ACTA2: variants seen among roughly 807,000 people sequenced by gnomAD.
The protein encoded by ACTA2 is actin alpha 2, smooth muscle, also known as actin, aortic smooth muscle.
ACTA2 carries 12 observed loss-of-function variants against 39.5 expected under a neutral mutation model. The ratio of observed to expected loss-of-function variants is 0.30; its 90% CI spans 0.19 to 0.49. The LOEUF (loss-of-function observed/expected upper bound fraction) is 0.49. ACTA2 is among the 20% of genes least tolerant of loss of function. The probability of loss-of-function intolerance (pLI) is 0.99; values close to 1 mark genes in which losing one functional copy is unlikely to be tolerated. For missense variants in ACTA2, 236 were observed against 498.8 expected, an observed-to-expected ratio of 0.47 and a Z score of 5.02; for synonymous variants, 158 against 180.6, an observed-to-expected ratio of 0.88 and a Z score of 1.00.
chr10:88,953,307 C>A (rs1846082343), upstream of ACTA2, among the ~76,000 whole-genome samples: 1 of 152,120 alleles, frequency 6.6e-6, no homozygotes, highest in South Asian at 2.1e-4. Flanking sequence ...GTTTATAAAT[C>A]AAGTTCTTGA....
chr10:88,963,503 CA>C (rs1228775762), intron 1 of ACTA2, among the ~76,000 whole-genome samples: 1 of 149,378 alleles, frequency 6.7e-6, no homozygotes, highest in East Asian at 1.9e-4. Flanking sequence ...TTTATTTAGT[CA>C]AGACATTTTT....
intron 1 of ACTA2, among the ~76,000 whole-genome samples, chr10:88,950,338 C>T (rs894864659): frequency 2.0e-5 from 3 of 152,104 alleles, no homozygotes; most frequent in African/African-American, 7.2e-5. Context: ...CTGATTGCAC[C>T]TCCAAATCCA....
chr10:88,967,427 A>G (rs1274425642), intron 1 of ACTA2, among the ~76,000 whole-genome samples: 2 of 152,164 alleles, frequency 1.3e-5, no homozygotes, highest in Non-Finnish European at 2.9e-5. Flanking sequence ...GAAGGATGTA[A>G]CACCTGCTTC....
At chr10:88,949,446 T>C (rs2133275395) in intron 1 of ACTA2, among the ~76,000 whole-genome samples, 1 of 152,322 alleles carries the variant, frequency 6.6e-6, no homozygotes. Context: ...ACAGGCAGCA[T>C]GTAAAAATTT....
intron 1 of ACTA2, chr10:88,973,359 A>G: frequency 2.7e-6 from 4 of 1,468,376 alleles, no homozygotes; most frequent in Non-Finnish European, 2.7e-6. Flanking sequence ...TAATCCAAGA[A>G]TTGCCAGGCG....
Position 88,939,497 on chromosome 10 carries a change from T to A in ACTA2, c.808+10A>T. 6 of 1,612,620 alleles carry A rather than the reference T, an allele frequency of 3.7e-6. No individual in the cohort carries two copies. Among genetic ancestry groups the A allele is most frequent in the Non-Finnish European group, 5.1e-6 (6 of 1,179,862 alleles). On this transcript the variant is annotated intron_variant, in intron 7 of 8. Transcript: ENST00000224784. ...CTCCCCTTCCCAGGAAAAGGGCGTTTGTTGCCTACCGATGAAGGATGGCTG... is the reference window on the plus strand; with the variant it reads ...CTCCCCTTCCCAGGAAAAGGGCGTTAGTTGCCTACCGATGAAGGATGGCTG...
chr10:88,938,341 C>G lies in ACTA2; in HGVS notation c.809-99G>C, dbSNP rs1261846690. ...AACATCTGGATGATCTTGCAGTGGA[C>G]TGAGGCTGGGAAGACATAATAATCT... is the stretch of plus-strand genomic sequence containing the variant. On this transcript the variant is annotated intron_variant, in intron 7 of 8. Transcript: ENST00000224784. 1.2e-5 allele frequency: 16 copies of G among 1,338,008 alleles called. No individual in the cohort carries two copies. The East Asian group carries it at 3.2e-4, about 27-fold the overall frequency. 82.9% of individuals were successfully genotyped at this position (1,338,008 alleles called of 1,614,324 possible).
At chr10:88,963,822 A>C (rs1043925454) in intron 1 of ACTA2, among the ~76,000 whole-genome samples, 4 of 152,168 alleles carry the variant, frequency 2.6e-5, no homozygotes, top group Admixed American at 6.6e-5. Flanking sequence ...TGGGATGTAC[A>C]GTCTTTGTTT....
chr10:88,968,114 TTC>T (rs1391000083), intron 1 of ACTA2, among the ~76,000 whole-genome samples: 1 of 152,204 alleles, frequency 6.6e-6, no homozygotes, highest in Non-Finnish European at 1.5e-5. Context: ...ATTCAGTAGT[TTC>T]TGTGTTTGCA....
At chr10:88,974,508 A>T (rs1009163680) in intron 1 of ACTA2, 1 of 152,170 alleles carries the variant, frequency 6.6e-6, no homozygotes, top group African/African-American at 2.4e-5. Context: ...AGCCAGTGAG[A>T]TCAGTTATTT....
chr10:88,947,381 C>A lies in ACTA2; in HGVS notation c.135G>T (p.Val45=). The part of the protein sequence containing the change: ...SIVGRPRHQG[V]MVGMGQKDSY... Reference sequence around the variant, plus strand: ...TGTCTTTTTGTCCCATTCCCACCATCACCCCCTAAAAAGGTTCAACACATT... The same window carrying A: ...TGTCTTTTTGTCCCATTCCCACCATAACCCCCTAAAAAGGTTCAACACATT... Residue 45 remains valine, a synonymous_variant, in exon 3 of 9, where the codon GTG becomes GTT. Transcript: ENST00000224784. The A allele has an allele frequency of 6.2e-7, 1 of 1,613,952 alleles. No individual in the cohort carries two copies. The highest frequency in any genetic ancestry group is 1.1e-5 in the South Asian group (1 of 91,084).
At chr10:88,938,036 C>T in intron 8 of ACTA2, 25 bp downstream of exon 8, 1 of 1,613,602 alleles carries the variant, frequency 6.2e-7, no homozygotes, top group Non-Finnish European at 8.5e-7. Context: ...GCGGCATTGC[C>T]ACTGGGTCTG....
chr10:88,978,651 C>T (rs149023888), intron 1 of ACTA2, among the ~76,000 whole-genome samples: 1 of 152,218 alleles, frequency 6.6e-6, no homozygotes, highest in Non-Finnish European at 1.5e-5. Context: ...TAGTCATGAG[C>T]CAGGCTCAGT....
chr10:88,972,573 T>C (rs975869574), intron 1 of ACTA2, among the ~76,000 whole-genome samples: 2 of 152,198 alleles, frequency 1.3e-5, no homozygotes, highest in Non-Finnish European at 2.9e-5. Flanking sequence ...AATTTCATTG[T>C]AATTTATCTA....
At chr10:88,979,436 T>C (rs1419541789) in intron 1 of ACTA2, among the ~76,000 whole-genome samples, 1 of 152,162 alleles carries the variant, frequency 6.6e-6, no homozygotes. Context: ...GATGAGAGTC[T>C]GGCCAAATAA....
At chr10:88,984,937 G>T (rs563039694) in intron 1 of ACTA2, among the ~76,000 whole-genome samples, 1 of 152,336 alleles carries the variant, frequency 6.6e-6, no homozygotes, top group Admixed American at 6.5e-5. Context: ...GCTGCAGGCA[G>T]TGCTTATGCT....
At chr10:88,982,384 G>T (rs1220930045) in intron 1 of ACTA2, among the ~76,000 whole-genome samples, 1 of 151,960 alleles carries the variant, frequency 6.6e-6, no homozygotes, top group Non-Finnish European at 1.5e-5. Context: ...AAAGACAATG[G>T]ATTATTTGGT....
chr10:88,938,232 A>C lies in ACTA2; in HGVS notation c.819T>G (p.Ser273=), dbSNP rs1270839011. Reference sequence around the variant, plus strand: ...TGTAGGTGGTTTCATGGATGCCAGCAGACTCCATCCCTGGAAAAGAGACAC... The same window carrying C: ...TGTAGGTGGTTTCATGGATGCCAGCCGACTCCATCCCTGGAAAAGAGACAC... ...LFQPSFIGME[S]AGIHETTYNS... Residue 273 remains serine (S), a synonymous_variant, in exon 8 of 9, where the codon TCT becomes TCG. Coordinates refer to ENST00000224784, the MANE Select transcript of ACTA2 (RefSeq NM_001613.4). 6.2e-7 allele frequency: 1 copy of C among 1,613,890 alleles called. No individual in the cohort carries two copies. Among genetic ancestry groups the C allele is most frequent in the Non-Finnish European group, 8.5e-7 (1 of 1,179,914 alleles).
chr10:88,985,913 T>C (rs1382688664), intron 1 of ACTA2, among the ~76,000 whole-genome samples: 2 of 152,208 alleles, frequency 1.3e-5, no homozygotes, highest in Non-Finnish European at 1.5e-5. Flanking sequence ...TGGGAAACAA[T>C]TTTTATTGGC....
Sources: allele counts gnomAD v4.1 joint callset (sites outside exome capture counted in the v4.1 genomes callset), GRCh38; gene constraint gnomAD v4.1.1; transcripts MANE v1.5; gene names NCBI Gene and HGNC (gene_info 2026-07-23, HGNC 2026-07-21).